The following ADAMTSL1 variants were observed in gnomAD, a reference collection of about 807,000 sequenced individuals.
The protein encoded by ADAMTSL1 is ADAMTS-like protein 1.
A neutral mutation model predicts 201.8 loss-of-function variants in ADAMTSL1; 126 were observed. That is an observed-to-expected ratio of 0.62 (90% CI 0.54 to 0.72). The LOEUF (loss-of-function observed/expected upper bound fraction) is 0.72. Among genes scored for constraint, ADAMTSL1 ranks in the 30% least tolerant of loss-of-function variants. The pLI is 0.00. For missense variants in ADAMTSL1, 2,679 were observed against 2,277.8 expected (o/e 1.18, Z -3.59); for synonymous variants, 1,121 against 903.4 (o/e 1.24, Z -4.32).
At chr9:18,181,032 G>A (rs1020406586) in intron 2 of ADAMTSL1, among the ~76,000 whole-genome samples, 2 of 152,088 alleles carry the variant, frequency 1.3e-5, no homozygotes, top group African/African-American at 2.4e-5. Context: ...ACAAGCAATG[G>A]GGAAAGGATT....
At chr9:18,801,020 C>T (rs34848869) in intron 20 of ADAMTSL1, among the ~76,000 whole-genome samples, 1 of 152,114 alleles carries the variant, frequency 6.6e-6, no homozygotes, top group East Asian at 1.9e-4. Flanking sequence ...GTAATGGAAA[C>T]AAGGATATGA....
intron 1 of ADAMTSL1, among the ~76,000 whole-genome samples, chr9:18,097,524 C>T (rs2131835074): frequency 6.6e-6 from 1 of 152,282 alleles, no homozygotes; most frequent in African/African-American, 2.4e-5. Context: ...ACTATTTTAT[C>T]TCCAACCAGA....
intron 1 of ADAMTSL1, among the ~76,000 whole-genome samples, chr9:17,942,158 G>A (rs755813175): frequency 2.6e-5 from 4 of 152,142 alleles, no homozygotes; most frequent in African/African-American, 9.6e-5. Flanking sequence ...CAGGGGGATA[G>A]AGAGTTATTG....
intron 2 of ADAMTSL1, among the ~76,000 whole-genome samples, chr9:18,179,223 A>G (rs1180788978): frequency 6.6e-6 from 1 of 152,226 alleles, no homozygotes; most frequent in African/African-American, 2.4e-5. Flanking sequence ...GAACTACGTG[A>G]AGAATGCAGA....
intron 2 of ADAMTSL1, among the ~76,000 whole-genome samples, chr9:18,421,990 T>C (rs544077833): frequency 1.3e-5 from 2 of 152,336 alleles, no homozygotes; most frequent in South Asian, 2.1e-4. Context: ...ATTAGCTGAA[T>C]GCTGCTGGAA....
chr9:18,662,169 T>C (rs780660664), intron 9 of ADAMTSL1, 96 bp downstream of exon 9: 37 of 1,462,950 alleles, frequency 2.5e-5, no homozygotes, highest in Non-Finnish European at 3.2e-5. Context: ...AAAAATAAAA[T>C]GAAATTAAAC....
intron 3 of ADAMTSL1, among the ~76,000 whole-genome samples, chr9:18,558,896 T>G (rs1821286209): frequency 6.6e-6 from 1 of 152,186 alleles, no homozygotes; most frequent in Non-Finnish European, 1.5e-5. Context: ...CTTTATAGAT[T>G]CTGGATATTA....
chr9:18,532,222 G>A (rs1475998255), intron 2 of ADAMTSL1, among the ~76,000 whole-genome samples: 1 of 152,120 alleles, frequency 6.6e-6, no homozygotes, highest in Non-Finnish European at 1.5e-5. Flanking sequence ...TCATAGGAAT[G>A]CAGTAAAATG....
At chr9:18,779,355 AC>A (rs1191663554) in intron 19 of ADAMTSL1, among the ~76,000 whole-genome samples, 1 of 152,204 alleles carries the variant, frequency 6.6e-6, no homozygotes, top group African/African-American at 2.4e-5. Context: ...TAGACCAAAT[AC>A]CTTTGATAAC....
chr9:18,340,200 G>C (rs573404565), intron 2 of ADAMTSL1, among the ~76,000 whole-genome samples: 1 of 152,122 alleles, frequency 6.6e-6, no homozygotes, highest in African/African-American at 2.4e-5. Flanking sequence ...TTTCTATCTT[G>C]TTGGCAGGTA....
chr9:18,315,236 A>G (rs1220251563), intron 2 of ADAMTSL1, among the ~76,000 whole-genome samples: 1 of 152,124 alleles, frequency 6.6e-6, no homozygotes, highest in Non-Finnish European at 1.5e-5. Flanking sequence ...CGAAGTGCTG[A>G]CTGGTGCATT....
In ADAMTSL1 at chr9:18,560,171, G is replaced by C. The variant is rs183383877; in HGVS notation, c.238-13859G>C. On this transcript the variant is annotated intron_variant, in intron 3 of 28. Coordinates refer to ENST00000380548, the MANE Select transcript of ADAMTSL1 (RefSeq NM_001040272.6). ...TTTCATAAATAACTCTTATTATTTT[G>C]AGATATGTTCCATCAATACCTAATT... is the stretch of plus-strand genomic sequence containing the variant. 9.4e-3 allele frequency among the ~76,000 whole-genome samples: 1,434 copies of C among 152,192 alleles called. 19 individuals carry two copies. The highest frequency in any genetic ancestry group is 0.032 in the African/African-American group (1,320 of 41,520).
chr9:18,642,296 TATTA>T (rs144858103), intron 7 of ADAMTSL1, among the ~76,000 whole-genome samples: 108,013 of 151,538 alleles, frequency 0.71, 38,634 homozygotes, highest in East Asian at 0.89. Flanking sequence ...TTTTAATTTT[TATTA>T]ATTAATTTTT....
At chr9:18,561,154 C>G (rs527979715) in intron 3 of ADAMTSL1, among the ~76,000 whole-genome samples, 132 of 152,250 alleles carry the variant, frequency 8.7e-4, no homozygotes, top group African/African-American at 3.1e-3. Flanking sequence ...TTCCCACTTT[C>G]TCCTGTGGGC....
intron 4 of ADAMTSL1, among the ~76,000 whole-genome samples, chr9:18,591,444 G>A (rs1823908164): frequency 6.6e-6 from 1 of 152,068 alleles, no homozygotes; most frequent in Admixed American, 6.6e-5. Flanking sequence ...ACAGCGTATA[G>A]TTGGGCCTTA....
At chr9:18,287,658 C>CATATATGTATGTGTATACATATACAT (rs1181639444) in intron 2 of ADAMTSL1, among the ~76,000 whole-genome samples, 1 of 124,726 alleles carries the variant, frequency 8.0e-6, no homozygotes, top group African/African-American at 3.3e-5. Flanking sequence ...TACATATACA[C>CATATATGTATGTGTATACATATACAT]ATATATGTAT....
chr9:18,348,103 G>C (rs376165038), intron 2 of ADAMTSL1, among the ~76,000 whole-genome samples: 7 of 152,314 alleles, frequency 4.6e-5, no homozygotes, highest in African/African-American at 1.2e-4. Flanking sequence ...GCCAATTGTA[G>C]ATTTAAATTT....
chr9:18,695,716 G>A (rs908132184), intron 13 of ADAMTSL1, among the ~76,000 whole-genome samples: 1 of 152,172 alleles, frequency 6.6e-6, no homozygotes, highest in Non-Finnish European at 1.5e-5. Flanking sequence ...TGATCTTCCT[G>A]CCTTCTCAAA....
intron 1 of ADAMTSL1, among the ~76,000 whole-genome samples, chr9:18,138,050 C>T (rs956690174): frequency 2.0e-5 from 3 of 152,108 alleles, no homozygotes; most frequent in African/African-American, 4.8e-5. Context: ...TACTGTAGAG[C>T]AGGGTTTGAT....
Sources: gnomAD v4.1 joint callset for allele counts (sites outside exome capture counted in the v4.1 genomes callset) on GRCh38, gnomAD v4.1.1 for gene constraint, MANE v1.5 for transcripts, NCBI Gene and HGNC (gene_info 2026-07-23, HGNC 2026-07-21) for gene names.